Variants in AKAP6 observed in about 807,000 individuals in gnomAD.
AKAP6 encodes the protein A-kinase anchoring protein 6, also known as A-kinase anchor protein 6.
In AKAP6, 58 loss-of-function variants were observed where a neutral mutation model predicts 188.5. The observed-to-expected ratio is 0.31, with a 90% CI of 0.25 to 0.38. The LOEUF (loss-of-function observed/expected upper bound fraction) is 0.38. AKAP6 is among the 10% of genes least tolerant of loss of function. AKAP6 has a pLI of 1.00. For missense variants in AKAP6, 2,710 were observed against 2,740.0 expected (o/e 0.99, Z 0.24); for synonymous variants, 989 against 998.6 (o/e 0.99, Z 0.18).
intron 8 of AKAP6, among the ~76,000 whole-genome samples, chr14:32,684,121 G>A (rs1310567867): frequency 6.6e-6 from 1 of 152,162 alleles, no homozygotes; most frequent in Non-Finnish European, 1.5e-5. Flanking sequence ...AAGCATCCAA[G>A]TAGAAAAACC....
intron 5 of AKAP6, among the ~76,000 whole-genome samples, chr14:32,593,668 A>G (rs1224961571): frequency 1.3e-5 from 2 of 152,244 alleles, no homozygotes. Flanking sequence ...CTTAGAGAAG[A>G]TAAAACCAAA....
intron 12 of AKAP6, among the ~76,000 whole-genome samples, chr14:32,790,967 C>T (rs1054755677): frequency 6.6e-6 from 1 of 152,116 alleles, no homozygotes; most frequent in Non-Finnish European, 1.5e-5. Flanking sequence ...TTTATGGCTG[C>T]ATAGTATTCC....
At chr14:32,723,555 GTTTA>G (rs142683523) in intron 9 of AKAP6, among the ~76,000 whole-genome samples, 31,035 of 144,920 alleles carry the variant, frequency 0.21, 3,618 homozygotes, top group African/African-American at 0.32. Flanking sequence ...GTGCGTATGT[GTTTA>G]TGTGTGTGTG....
At chr14:32,791,978 A>G (rs553111520) in intron 12 of AKAP6, among the ~76,000 whole-genome samples, 1 of 152,180 alleles carries the variant, frequency 6.6e-6, no homozygotes, top group Non-Finnish European at 1.5e-5. Context: ...CTATTGGTCT[A>G]TATCTCTGTT....
At chr14:32,803,415 AT>A (rs1370583214) in intron 12 of AKAP6, among the ~76,000 whole-genome samples, 2 of 152,170 alleles carry the variant, frequency 1.3e-5, no homozygotes, top group South Asian at 2.1e-4. Flanking sequence ...ATTAAGAATA[AT>A]TTTTATTTTC....
intron 1 of AKAP6, among the ~76,000 whole-genome samples, chr14:32,358,469 G>A (rs1343715704): frequency 1.3e-5 from 2 of 152,130 alleles, no homozygotes; most frequent in Non-Finnish European, 2.9e-5. Context: ...AAAGGAATTT[G>A]GATACACTTT....
intron 2 of AKAP6, among the ~76,000 whole-genome samples, chr14:32,506,415 A>C (rs1880880482): frequency 4.6e-5 from 7 of 152,128 alleles, no homozygotes; most frequent in Admixed American, 4.6e-4. Flanking sequence ...ACCAAGCATG[A>C]CTGAAATTCT....
intron 2 of AKAP6, among the ~76,000 whole-genome samples, chr14:32,497,700 A>T (rs914090999): frequency 6.6e-6 from 1 of 151,816 alleles, no homozygotes; most frequent in African/African-American, 2.4e-5. Context: ...ATATATATAT[A>T]TATTTTTTTC....
At chr14:32,481,590 G>A (rs893698746) in intron 2 of AKAP6, among the ~76,000 whole-genome samples, 2 of 152,144 alleles carry the variant, frequency 1.3e-5, no homozygotes, top group African/African-American at 4.8e-5. Context: ...CAGATCTTAT[G>A]AGACTTATTC....
chr14:32,602,738 T>A (rs1466914599), intron 7 of AKAP6, among the ~76,000 whole-genome samples: 1 of 152,184 alleles, frequency 6.6e-6, no homozygotes, highest in Non-Finnish European at 1.5e-5. Flanking sequence ...TGACAAATTT[T>A]TAAGTGGTTC....
At chr14:32,409,158 C>T (rs1008476436) in intron 1 of AKAP6, among the ~76,000 whole-genome samples, 6 of 152,142 alleles carry the variant, frequency 3.9e-5, no homozygotes, top group Non-Finnish European at 5.9e-5. Context: ...CAAGATTGCA[C>T]CACTGCACTC....
In AKAP6 at chr14:32,374,430, TAGA is replaced by T. The variant is rs1418907427; in HGVS notation, c.-35+45025_-35+45027del. ...AATGAAAGGCTCTTCCAGGCAAAGA[TAGA>T]AGGATGACAAAGGCTTAGCCACAAA... On this transcript the variant is annotated intron_variant, in intron 1 of 13. Coordinates refer to ENST00000280979, the MANE Select transcript of AKAP6 (RefSeq NM_004274.5). Among the ~76,000 whole-genome samples the T allele has an allele frequency of 1.6e-4, 25 of 152,304 alleles. No individual in the cohort carries two copies. In the East Asian group the frequency reaches 4.8e-3, roughly 29 times the overall value.
intron 12 of AKAP6, among the ~76,000 whole-genome samples, chr14:32,782,858 C>T (rs1249696299): frequency 6.6e-6 from 1 of 150,524 alleles, no homozygotes; most frequent in African/African-American, 2.4e-5. Flanking sequence ...AATGTAATCC[C>T]AATGAAAATC....
chr14:32,638,412 T>TC (rs1887609756), intron 7 of AKAP6, among the ~76,000 whole-genome samples: 1 of 152,146 alleles, frequency 6.6e-6, no homozygotes, highest in Non-Finnish European at 1.5e-5. Context: ...CTTTTTCTCT[T>TC]CTGCTTCCAG....
chr14:32,540,168 C>CTCTT (rs1240063339), intron 3 of AKAP6, among the ~76,000 whole-genome samples: 4 of 60,956 alleles, frequency 6.6e-5, no homozygotes, highest in Non-Finnish European at 1.1e-4. Context: ...CTCTCTCTCT[C>CTCTT]TATATATATA....
chr14:32,428,207 G>A (rs1890096846), intron 1 of AKAP6, among the ~76,000 whole-genome samples: 2 of 152,124 alleles, frequency 1.3e-5, no homozygotes, highest in African/African-American at 4.8e-5. Flanking sequence ...ACCATGACTG[G>A]AAGCGCTCTG....
At chr14:32,425,749 C>A (rs1594601055) in intron 1 of AKAP6, among the ~76,000 whole-genome samples, 1 of 152,202 alleles carries the variant, frequency 6.6e-6, no homozygotes, top group Admixed American at 6.5e-5. Context: ...GGATAGTAGA[C>A]CTTTGTTAGA....
intron 11 of AKAP6, among the ~76,000 whole-genome samples, chr14:32,764,441 A>G (rs1037814434): frequency 1.3e-5 from 2 of 152,256 alleles, no homozygotes; most frequent in African/African-American, 4.8e-5. Flanking sequence ...TGTCTTAACA[A>G]TAACTTTATG....
chr14:32,458,645 A>C (rs192423274), intron 2 of AKAP6, among the ~76,000 whole-genome samples: 1 of 152,166 alleles, frequency 6.6e-6, no homozygotes, highest in African/African-American at 2.4e-5. Flanking sequence ...CAATAAAAGC[A>C]TGCCAGAAAT....
Sources: gnomAD v4.1 joint callset for allele counts (sites outside exome capture counted in the v4.1 genomes callset) on GRCh38, gnomAD v4.1.1 for gene constraint, MANE v1.5 for transcripts, NCBI Gene and HGNC (gene_info 2026-07-23, HGNC 2026-07-21) for gene names.